GPR108: variants seen among roughly 807,000 people sequenced by gnomAD.
The protein encoded by GPR108 is protein GPR108.
Under a neutral mutation model 74.3 loss-of-function variants are expected in GPR108, and 60 were observed. The ratio of observed to expected loss-of-function variants is 0.81; its 90% CI spans 0.66 to 1.00. The LOEUF is 1.00. GPR108 is among the 50% of genes least tolerant of loss of function. The pLI is 0.00. For missense variants in GPR108, 667 were observed against 703.3 expected, an observed-to-expected ratio of 0.95 and a Z score of 0.58; for synonymous variants, 311 against 292.4, an observed-to-expected ratio of 1.06 and a Z score of -0.65.
chr19:6,732,213 T>G, intron 12 of GPR108, 50 bp downstream of exon 12: 1 of 1,612,270 alleles, frequency 6.2e-7, no homozygotes, highest in South Asian at 1.1e-5. Context: ...TTGCCCCCAC[T>G]GCCCTGTGCA....
intron 5 of GPR108, 29 bp from the exon 6 acceptor site, chr19:6,734,083 A>AGATG (rs747853655): frequency 4.3e-6 from 7 of 1,612,410 alleles, no homozygotes; most frequent in South Asian, 1.1e-5. Flanking sequence ...TGATTTTAAG[A>AGATG]GATGGATGGA....
chr19:6,730,968 CCCATGGTG>C lies in GPR108; in HGVS notation c.1559+11_1559+18del. The C allele has an allele frequency of 1.2e-6, 2 of 1,608,782 alleles. No individual in the cohort carries two copies. Among genetic ancestry groups the C allele is most frequent in the Non-Finnish European group, 1.7e-6 (2 of 1,177,462 alleles). ...TCCACCCCCAGAGCCGCCGGCCCTGCCCATGGTGCCCAGCTCACACTTGCTCCATCTGA... is the reference window on the plus strand; with the variant it reads ...TCCACCCCCAGAGCCGCCGGCCCTGCCCCAGCTCACACTTGCTCCATCTGA... On this transcript the variant is annotated intron_variant, in intron 17 of 17. Coordinates refer to ENST00000264080, the MANE Select transcript of GPR108 (RefSeq NM_001080452.2).
rs1332652262 is a variant in GPR108 at position 6,730,399 on chromosome 19, C to T, written c.1560-15G>A. On this transcript the variant is annotated splice_polypyrimidine_tract_variant and intron_variant, in intron 17 of 17. Coordinates refer to ENST00000264080, the MANE Select transcript of GPR108 (RefSeq NM_001080452.2). ...AGTCCGTCATTCTGGGGGCAGACAG[C>T]GAGGAGGCGTCTAGCGTTGCAGGGC... The T allele has an allele frequency of 6.2e-7, 1 of 1,611,018 alleles. No homozygotes were observed. The highest frequency in any genetic ancestry group is 8.5e-7 in the Non-Finnish European group (1 of 1,178,524).
intron 8 of GPR108, 81 bp from the exon 9 acceptor site, chr19:6,733,382 G>T: frequency 6.9e-7 from 1 of 1,453,904 alleles, no homozygotes; most frequent in Non-Finnish European, 9.4e-7. Context: ...GGGGTCTCCA[G>T]CTCTCTCACT....
chr19:6,732,977 A>G lies in GPR108; in HGVS notation c.933+10T>C. The G allele has an allele frequency of 6.3e-7, 1 of 1,580,810 alleles. No individual in the cohort carries two copies. The highest frequency in any genetic ancestry group is 1.1e-5 in the South Asian group (1 of 87,222). The stretch of plus-strand genomic sequence containing the variant: ...CCACCCCCCGCTGCTCCCCGGTCCA[A>G]GGCTCTCACGCTGTGGAAGAGGAGA... On this transcript the variant is annotated intron_variant, in intron 10 of 17. Transcript: ENST00000264080.
chr19:6,731,717 CAG>C (rs886362325), intron 14 of GPR108, among the ~76,000 whole-genome samples, 172 bp downstream of exon 14: 1 of 151,604 alleles, frequency 6.6e-6, no homozygotes, highest in African/African-American at 2.4e-5. Flanking sequence ...CCCAACAGGG[CAG>C]AGAGGCCAGA....
At chr19:6,735,805 G>A in intron 3 of GPR108, 101 bp from the exon 4 acceptor site, 2 of 1,523,538 alleles carry the variant, frequency 1.3e-6, no homozygotes, top group Non-Finnish European at 1.8e-6. Flanking sequence ...TCCTGCTCCT[G>A]CCTCTGACAA....
In GPR108 at chr19:6,733,190, C is replaced by T; in HGVS notation, c.835G>A (p.Val279Met). Residue 279 changes from valine to methionine, a missense_variant, in exon 9 of 18, where the codon GTG (valine) becomes ATG (methionine). Physicochemically the swap from Val to Met is conservative, Grantham distance 21. Coordinates refer to ENST00000264080, the MANE Select transcript of GPR108 (RefSeq NM_001080452.2). The part of the protein sequence containing the change: ...ACFLAAGIFW[V>M]SILCRNTYSV... ...TACGTGTTCCTGCAGAGGATGGACA[C>T]CCAGAAGATGCCAGCGGCCAGGAAG... is the stretch of plus-strand genomic sequence containing the variant. 2.8e-5 allele frequency: 45 copies of T among 1,614,076 alleles called. No individual in the cohort carries two copies. Among genetic ancestry groups the T allele is most frequent in the Non-Finnish European group, 3.8e-5 (45 of 1,180,022 alleles).
intron 15 of GPR108, 39 bp from the exon 16 acceptor site, chr19:6,731,321 G>A: frequency 6.6e-7 from 1 of 1,525,122 alleles, no homozygotes; most frequent in Non-Finnish European, 8.8e-7. Flanking sequence ...AGGACTGTAG[G>A]GGCACGGGCA....
chr19:6,732,583 C>A, intron 10 of GPR108, 34 bp from the exon 11 acceptor site: 1 of 1,523,784 alleles, frequency 6.6e-7, no homozygotes, highest in Non-Finnish European at 9.1e-7. Context: ...CAGTGAGGCG[C>A]ACAGAGGGGT....
At position 6,731,400 on chromosome 19, in the gene GPR108, C is replaced by G. The variant is rs1159386247; in HGVS notation, c.1350+73G>C. On this transcript the variant is annotated intron_variant, in intron 15 of 17. Coordinates refer to ENST00000264080, the MANE Select transcript of GPR108 (RefSeq NM_001080452.2). ...TGGGGGCCTCGGGATGGGGCAGCAG[C>G]TGAGGGGCTGGGGTGGGCGTGCAGC... 1.0e-5 allele frequency: 15 copies of G among 1,493,966 alleles called. No homozygotes were observed. The East Asian group carries it at 3.5e-4, about 35-fold the overall frequency. 92.5% of individuals were successfully genotyped at this position (1,493,966 alleles called of 1,614,324 possible).
rs79500149 is a variant in GPR108, at chr19:6,735,779, T to C, written c.292-75A>G. The C allele has an allele frequency of 4.9e-3, 7,573 of 1,544,744 alleles. 142 individuals carry two copies. The East Asian group carries it at 0.052, about 11-fold the overall frequency. On this transcript the variant is annotated intron_variant, in intron 3 of 17. Coordinates refer to ENST00000264080, the MANE Select transcript of GPR108 (RefSeq NM_001080452.2). ...CAGCTCCACCCTGTCTCCCTCCCTGTCCACCCACGGGATCTTCCTGCTCCT... is the reference window on the plus strand; with the variant it reads ...CAGCTCCACCCTGTCTCCCTCCCTGCCCACCCACGGGATCTTCCTGCTCCT...
chr19:6,733,220 C>A lies in GPR108; in HGVS notation c.805G>T (p.Ala269Ser), dbSNP rs558037063. Residue 269 changes from alanine to serine, a missense_variant, in exon 9 of 18, where the codon GCC (alanine) becomes TCC (serine). Physicochemically the swap from Ala to Ser is moderately conservative, Grantham distance 99 (BLOSUM62 1). Transcript: ENST00000264080. ...AAGATGCCAGCGGCCAGGAAGCAGG[C>A]GGACATGACCATGTAGAGCTTGAAA... ...PLFKLYMVMS[A>S]CFLAAGIFWV... 1 of 1,613,888 alleles carries A rather than the reference C, an allele frequency of 6.2e-7. No individual in the cohort carries two copies. Among genetic ancestry groups the A allele is most frequent in the African/African-American group, 1.3e-5 (1 of 74,908 alleles).
intron 10 of GPR108, 100 bp downstream of exon 10, chr19:6,732,887 G>T: frequency 9.5e-7 from 1 of 1,051,370 alleles, no homozygotes; most frequent in Non-Finnish European, 1.4e-6. Flanking sequence ...ATAGCTGGCG[G>T]ATGGCCCTCC....
chr19:6,735,489 G>C, intron 4 of GPR108, 133 bp downstream of exon 4: 1 of 761,930 alleles, frequency 1.3e-6, no homozygotes, highest in East Asian at 2.5e-5. Context: ...CAGAAGACTT[G>C]AAGGCAAAAC....
In GPR108 at chr19:6,735,618, T is replaced by C. The variant is rs1407479884; in HGVS notation, c.374+4A>G. 2 of 1,613,328 alleles carry C rather than the reference T, an allele frequency of 1.2e-6. No individual in the cohort carries two copies. Among genetic ancestry groups the C allele is most frequent in the Non-Finnish European group, 1.7e-6 (2 of 1,179,490 alleles). Reference sequence around the variant, plus strand: ...TCTGAGCGAGCCCCCGGTCCCCAACTCACTGCAGATCCTTGGTGTTGATGA... The same window carrying C: ...TCTGAGCGAGCCCCCGGTCCCCAACCCACTGCAGATCCTTGGTGTTGATGA... On this transcript the variant is annotated splice_donor_region_variant and intron_variant, in intron 4 of 17. Coordinates refer to ENST00000264080, the MANE Select transcript of GPR108 (RefSeq NM_001080452.2).
Position 6,731,191 on chromosome 19 carries a change from G to A in GPR108, c.1434+8C>T, listed in dbSNP as rs370214082. On this transcript the variant is annotated splice_region_variant and intron_variant, in intron 16 of 17. Coordinates refer to ENST00000264080, the MANE Select transcript of GPR108 (RefSeq NM_001080452.2). ...CGCCCTCCCGTCCCACCTGGGCCTC[G>A]GGCTCACCTGGTACAGCCACTGCCA... 71 of 1,596,426 alleles carry A rather than the reference G, an allele frequency of 4.4e-5. No individual in the cohort carries two copies. Among genetic ancestry groups the A allele is most frequent in the Non-Finnish European group, 5.5e-5 (64 of 1,169,214 alleles).
At chr19:6,734,376 C>T (rs1968547496) in intron 4 of GPR108, 69 bp from the exon 5 acceptor site, 8 of 1,522,724 alleles carry the variant, frequency 5.3e-6, no homozygotes, top group South Asian at 2.4e-5. Flanking sequence ...GCAAAGGACT[C>T]AGTGGCCCCT....
intron 4 of GPR108, 24 bp downstream of exon 4, chr19:6,735,598 G>A: frequency 6.2e-7 from 1 of 1,602,084 alleles, no homozygotes; most frequent in Non-Finnish European, 8.6e-7. Flanking sequence ...AAGGATCTGA[G>A]CGAGCCCCCG....
Sources: gnomAD v4.1 joint callset for allele counts (sites outside exome capture counted in the v4.1 genomes callset) on GRCh38, gnomAD v4.1.1 for gene constraint, MANE v1.5 for transcripts, NCBI Gene and HGNC (gene_info 2026-07-23, HGNC 2026-07-21) for gene names.